Variants in CLIP1 observed in about 807,000 individuals in gnomAD.
CLIP1 encodes the protein CAP-Gly domain containing linker protein 1, also known as CAP-Gly domain-containing linker protein 1.
In CLIP1, 66 loss-of-function variants were observed where a neutral mutation model predicts 161.6. The ratio of observed to expected loss-of-function variants is 0.41; its 90% CI spans 0.33 to 0.50. The LOEUF is 0.50. Among genes scored for constraint, CLIP1 ranks in the 20% least tolerant of loss-of-function variants. The pLI, the probability that CLIP1 is intolerant of heterozygous loss-of-function variation, is 0.27. For missense variants in CLIP1, 1,376 were observed against 1,702.0 expected, an observed-to-expected ratio of 0.81 and a Z score of 3.37; for synonymous variants, 598 against 626.2, an observed-to-expected ratio of 0.96 and a Z score of 0.67.
intron 1 of CLIP1, among the ~76,000 whole-genome samples, chr12:122,410,979 C>T (rs1956509313): frequency 6.6e-6 from 1 of 152,136 alleles, no homozygotes; most frequent in Non-Finnish European, 1.5e-5. Flanking sequence ...ACAAGCTGAA[C>T]CTCATTCATT....
intron 3 of CLIP1, among the ~76,000 whole-genome samples, chr12:122,372,418 GA>G (rs372785821): frequency 1.4e-3 from 191 of 137,588 alleles, no homozygotes; most frequent in South Asian, 3.0e-3. Flanking sequence ...CTGGTCTAAA[GA>G]AAAAAAAAAA....
At chr12:122,287,358 T>C (rs751959823) in intron 21 of CLIP1, among the ~76,000 whole-genome samples, 7 of 152,114 alleles carry the variant, frequency 4.6e-5, no homozygotes, top group Non-Finnish European at 7.4e-5. Flanking sequence ...AGTAGGTCGG[T>C]GGGGAAACCT....
chr12:122,278,394 C>T, intron 23 of CLIP1, 191 bp from the exon 24 acceptor site: 1 of 616,178 alleles, frequency 1.6e-6, no homozygotes, highest in Non-Finnish European at 2.8e-6. Flanking sequence ...GTCTCACAGA[C>T]ACCAGCCTTG....
intron 19 of CLIP1, among the ~76,000 whole-genome samples, chr12:122,316,293 C>T (rs1410379537): frequency 1.3e-5 from 2 of 151,898 alleles, no homozygotes; most frequent in African/African-American, 4.8e-5. Flanking sequence ...TCACTGCAGC[C>T]TCAACCTGCT....
chr12:122,328,169 A>G lies in CLIP1; in HGVS notation c.3034-7T>C. 6.2e-7 allele frequency: 1 copy of G among 1,613,712 alleles called. No individual in the cohort carries two copies. Among genetic ancestry groups the G allele is most frequent in the East Asian group, 2.2e-5 (1 of 44,836 alleles). On this transcript the variant is annotated splice_polypyrimidine_tract_variant and splice_region_variant and intron_variant, in intron 16 of 25. Coordinates refer to ENST00000620786, the MANE Select transcript of CLIP1 (RefSeq NM_001247997.2). ...TTGTTTCCATTTTCTTTTCCTGCAG[A>G]GACCCCGAATGAGGGAATGAGTCAT...
At chr12:122,293,049 CAG>C (rs2136332725) in intron 20 of CLIP1, among the ~76,000 whole-genome samples, 1 of 142,544 alleles carries the variant, frequency 7.0e-6, no homozygotes, top group East Asian at 2.0e-4. Flanking sequence ...AGACAATCCA[CAG>C]ATGGGGAGAA....
chr12:122,309,931 G>C, intron 19 of CLIP1, 49 bp from the exon 20 acceptor site: 1 of 1,606,742 alleles, frequency 6.2e-7, no homozygotes, highest in Non-Finnish European at 8.5e-7. Flanking sequence ...GACAGGCAAG[G>C]AAACTGTGGG....
chr12:122,307,258 C>T (rs1292868250), intron 20 of CLIP1, among the ~76,000 whole-genome samples: 4 of 152,128 alleles, frequency 2.6e-5, no homozygotes, highest in Non-Finnish European at 5.9e-5. Flanking sequence ...CCACCCGCCT[C>T]GGCCTCCCAA....
At chr12:122,376,540 C>G (rs1016368684) in intron 3 of CLIP1, among the ~76,000 whole-genome samples, 11 of 151,998 alleles carry the variant, frequency 7.2e-5, no homozygotes, top group African/African-American at 1.7e-4. Flanking sequence ...AATCTCGGCT[C>G]ACTGCAAGCT....
rs150481939 is a variant in CLIP1, at chr12:122,315,098, T to C, written c.3473+1651A>G. On this transcript the variant is annotated intron_variant, in intron 19 of 25. Transcript: ENST00000620786. ...GCTCAGATCACTCCCAGGAAAATTTTAAAACTCCCCGAAGAACCACACATG... is the reference window on the plus strand; with the variant it reads ...GCTCAGATCACTCCCAGGAAAATTTCAAAACTCCCCGAAGAACCACACATG... Among the ~76,000 whole-genome samples, 5 of 152,316 alleles carry C rather than the reference T, an allele frequency of 3.3e-5. No homozygotes were observed. The East Asian group carries it at 9.7e-4, about 29-fold the overall frequency.
chr12:122,292,685 T>C (rs961835185), intron 20 of CLIP1, among the ~76,000 whole-genome samples: 2 of 152,152 alleles, frequency 1.3e-5, no homozygotes, highest in African/African-American at 2.4e-5. Flanking sequence ...TTAAAACTTC[T>C]ACTCTTCAAA....
chr12:122,290,366 T>C (rs1400935782), intron 20 of CLIP1, among the ~76,000 whole-genome samples: 6 of 151,892 alleles, frequency 4.0e-5, no homozygotes, highest in Non-Finnish European at 7.4e-5. Context: ...ATTTTTAGAA[T>C]GAAAGGAAGA....
In CLIP1 at chr12:122,380,133, C is replaced by T. The variant is rs570905794; in HGVS notation, c.85+235G>A. 6.6e-5 allele frequency among the ~76,000 whole-genome samples: 10 copies of T among 151,258 alleles called. No homozygotes were observed. In the South Asian group the frequency reaches 1.9e-3, roughly 28 times the overall value. Reference sequence around the variant, plus strand: ...TAGTATGCGCCTATATTCCCAGCTACTTGGGAGGCTGAGGCAGGAGAATCG... The same window carrying T: ...TAGTATGCGCCTATATTCCCAGCTATTTGGGAGGCTGAGGCAGGAGAATCG... On this transcript the variant is annotated intron_variant, in intron 2 of 25. Transcript: ENST00000620786.
Position 122,380,385 on chromosome 12 carries a change from A to C in CLIP1, c.68T>G (p.Leu23Arg). 3.7e-6 allele frequency: 6 copies of C among 1,613,652 alleles called. No homozygotes were observed. Among genetic ancestry groups the C allele is most frequent in the Non-Finnish European group, 5.1e-6 (6 of 1,179,660 alleles). The change falls in exon 2 of 26, where the codon CTG becomes CGG. Residue 23 changes from leucine (L) to arginine (R), a missense_variant. By Grantham distance (102) the Leu-to-Arg change is moderately radical (BLOSUM62 -2). Coordinates refer to ENST00000620786, the MANE Select transcript of CLIP1 (RefSeq NM_001247997.2). ...TKILKPGSTALKTPTAVVAPV... is the reference protein window; with the variant it reads ...TKILKPGSTARKTPTAVVAPV... Reference sequence around the variant, plus strand: ...AGTATTACCAGCCGTAGGTGTCTTCAGAGCTGTGCTTCCAGGCTTCAGGAT... The same window carrying C: ...AGTATTACCAGCCGTAGGTGTCTTCCGAGCTGTGCTTCCAGGCTTCAGGAT...
intron 18 of CLIP1, 60 bp downstream of exon 18, chr12:122,319,171 CA>C (rs1357832270): frequency 1.9e-5 from 22 of 1,181,434 alleles, no homozygotes; most frequent in African/African-American, 1.8e-4. Flanking sequence ...AGTCAGTGAC[CA>C]AACATTCTAC....
At chr12:122,284,925 A>G (rs1274693878) in intron 21 of CLIP1, among the ~76,000 whole-genome samples, 1 of 152,072 alleles carries the variant, frequency 6.6e-6, no homozygotes, top group Non-Finnish European at 1.5e-5. Context: ...TTTGAGCTTT[A>G]GTTTCATCAT....
intron 1 of CLIP1, among the ~76,000 whole-genome samples, chr12:122,393,978 C>T (rs533084338): frequency 2.9e-4 from 41 of 142,934 alleles, no homozygotes; most frequent in African/African-American, 9.1e-4. Flanking sequence ...GTGACTGTTT[C>T]GGAGGGGGAA....
At chr12:122,388,073 A>G (rs1955403451) in intron 1 of CLIP1, among the ~76,000 whole-genome samples, 1 of 152,196 alleles carries the variant, frequency 6.6e-6, no homozygotes, top group Non-Finnish European at 1.5e-5. Flanking sequence ...TCAACTATAC[A>G]TAAAACATGC....
At chr12:122,371,623 G>C (rs556706906) in intron 3 of CLIP1, among the ~76,000 whole-genome samples, 45 of 152,290 alleles carry the variant, frequency 3.0e-4, no homozygotes, top group African/African-American at 1.1e-3. Context: ...TGCCATGCAA[G>C]TCCAGGTAAA....
Sources: gnomAD v4.1 joint callset for allele counts (sites outside exome capture counted in the v4.1 genomes callset) on GRCh38, gnomAD v4.1.1 for gene constraint, MANE v1.5 for transcripts, NCBI Gene and HGNC (gene_info 2026-07-23, HGNC 2026-07-21) for gene names.